The following KIFAP3 variants were observed in gnomAD, a reference collection of about 807,000 sequenced individuals.
The protein encoded by KIFAP3 is kinesin-associated protein 3.
KIFAP3 carries 68 observed loss-of-function variants against 106.5 expected under a neutral mutation model. That is an observed-to-expected ratio of 0.64 (90% CI 0.53 to 0.78). KIFAP3 has a LOEUF of 0.78. KIFAP3 is among the 30% of genes least tolerant of loss of function. KIFAP3 has a pLI of 0.00. For missense variants in KIFAP3, 780 were observed against 941.8 expected, an observed-to-expected ratio of 0.83 and a Z score of 2.25; for synonymous variants, 320 against 311.5, an observed-to-expected ratio of 1.03 and a Z score of -0.29.
At chr1:170,079,003 A>T (rs1557885674), upstream of KIFAP3, among the ~76,000 whole-genome samples, 1 of 152,190 alleles carries the variant, frequency 6.6e-6, no homozygotes, top group Non-Finnish European at 1.5e-5. Flanking sequence ...AAAATCCAAT[A>T]ATTAATTTGC....
chr1:170,033,754 GAAAT>G (rs1259252544), intron 7 of KIFAP3, among the ~76,000 whole-genome samples: 5 of 151,732 alleles, frequency 3.3e-5, no homozygotes, highest in Admixed American at 6.6e-5. Flanking sequence ...CAGAATGGGT[GAAAT>G]AAATAAACAC....
intron 19 of KIFAP3, among the ~76,000 whole-genome samples, chr1:169,930,981 G>A (rs1274929163): frequency 7.1e-6 from 1 of 141,612 alleles, no homozygotes; most frequent in Non-Finnish European, 1.5e-5. Context: ...GCGCAATGGT[G>A]CAATCCTGGC....
intron 2 of KIFAP3, among the ~76,000 whole-genome samples, chr1:170,054,552 A>T (rs1670743222): frequency 6.6e-6 from 1 of 152,200 alleles, no homozygotes; most frequent in African/African-American, 2.4e-5. Context: ...AAGACTTGGA[A>T]CCAACCCAAA....
chr1:169,995,513 G>A (rs16862900), intron 10 of KIFAP3, among the ~76,000 whole-genome samples: 5 of 151,884 alleles, frequency 3.3e-5, no homozygotes, highest in Non-Finnish European at 1.5e-5. Context: ...TCTAGTAATG[G>A]ATTCACTGAA....
chr1:170,003,625 C>A (rs940273204), intron 10 of KIFAP3, among the ~76,000 whole-genome samples: 1 of 152,172 alleles, frequency 6.6e-6, no homozygotes, highest in Admixed American at 6.5e-5. Context: ...GCCCTGCCCC[C>A]AGAGGTGGAG....
upstream of KIFAP3, chr1:170,074,723 T>G (rs1671861256): frequency 7.3e-7 from 1 of 1,371,858 alleles, no homozygotes; most frequent in Non-Finnish European, 9.4e-7. Context: ...CGCATGCGCT[T>G]GCTCTGCACC....
chr1:169,966,230 A>G (rs2101876195), intron 17 of KIFAP3, among the ~76,000 whole-genome samples: 1 of 151,946 alleles, frequency 6.6e-6, no homozygotes, highest in East Asian at 1.9e-4. Flanking sequence ...TCTCAGCTCT[A>G]AAAAAGAAGC....
chr1:169,991,357 A>C lies in KIFAP3; in HGVS notation c.1284+798T>G, dbSNP rs1350170362. ...CAAGATCCTGTCTCAAAAAAAAAAA[A>C]GGAAGGAAGGAAGGAAAGACTGGCA... is the stretch of plus-strand genomic sequence containing the variant. On this transcript the variant is annotated intron_variant, in intron 11 of 19. Coordinates refer to ENST00000361580, the MANE Select transcript of KIFAP3 (RefSeq NM_014970.4). Among the ~76,000 whole-genome samples the C allele has an allele frequency of 2.2e-4, 31 of 139,558 alleles. 1 individual carries two copies. The Admixed American group carries it at 2.2e-3, about 10-fold the overall frequency. The allele number at this position is 139,558 out of a possible 152,430, so 91.6% of individuals were successfully genotyped here.
intron 8 of KIFAP3, among the ~76,000 whole-genome samples, chr1:170,029,240 T>A (rs1012531943): frequency 2.6e-5 from 4 of 152,106 alleles, no homozygotes; most frequent in African/African-American, 9.7e-5. Flanking sequence ...AAAATACATG[T>A]ACTGAAAACT....
At chr1:169,933,877 T>C (rs1288446134) in intron 19 of KIFAP3, among the ~76,000 whole-genome samples, 2 of 152,130 alleles carry the variant, frequency 1.3e-5, no homozygotes, top group Non-Finnish European at 2.9e-5. Context: ...AATATCTGAA[T>C]GGGATTTGTG....
chr1:170,046,210 CAAAAAAA>C (rs60580320), intron 3 of KIFAP3, among the ~76,000 whole-genome samples: 1 of 56,928 alleles, frequency 1.8e-5, no homozygotes, highest in Admixed American at 2.7e-4. Context: ...TTCTCTGCTG[CAAAAAAA>C]AAAAAAAAAA....
At chr1:170,061,930 G>A (rs186640794) in intron 1 of KIFAP3, among the ~76,000 whole-genome samples, 40 of 152,120 alleles carry the variant, frequency 2.6e-4, no homozygotes, top group Admixed American at 1.9e-3. Flanking sequence ...GCCAAATACC[G>A]CATGTTCTCA....
chr1:170,038,440 A>C lies in KIFAP3; in HGVS notation c.376-9T>G, dbSNP rs769040768. The C allele has an allele frequency of 6.2e-7, 1 of 1,603,398 alleles. No individual in the cohort carries two copies. Among genetic ancestry groups the C allele is most frequent in the Non-Finnish European group, 8.5e-7 (1 of 1,177,062 alleles). On this transcript the variant is annotated splice_polypyrimidine_tract_variant and intron_variant, in intron 4 of 19. Coordinates refer to ENST00000361580, the MANE Select transcript of KIFAP3 (RefSeq NM_014970.4). ...TTAGCAACTTCATCAATCTGAAACAAAGAGGCAGAAAGTACTCATCAACAA... is the reference window on the plus strand; with the variant it reads ...TTAGCAACTTCATCAATCTGAAACACAGAGGCAGAAAGTACTCATCAACAA...
chr1:170,044,141 T>G (rs959868439), intron 3 of KIFAP3, among the ~76,000 whole-genome samples: 1 of 152,134 alleles, frequency 6.6e-6, no homozygotes, highest in South Asian at 2.1e-4. Context: ...TAAGGGTGGA[T>G]AGGATTATCA....
chr1:169,988,389 T>C (rs1558223031), intron 11 of KIFAP3, among the ~76,000 whole-genome samples: 1 of 151,990 alleles, frequency 6.6e-6, no homozygotes, highest in East Asian at 1.9e-4. Context: ...ATCATTGAAA[T>C]GAATATGAAT....
At chr1:169,929,432 TCTAAAATTTTTCA>T (rs1446036025) in intron 19 of KIFAP3, among the ~76,000 whole-genome samples, 2 of 152,148 alleles carry the variant, frequency 1.3e-5, no homozygotes, top group East Asian at 3.8e-4. Context: ...TAACATAGCT[TCTAAAATTTTTCA>T]TTGAACCAAT....
At chr1:170,039,110 TC>T in intron 4 of KIFAP3, 122 bp downstream of exon 4, 5 of 503,386 alleles carry the variant, frequency 9.9e-6, no homozygotes, top group Non-Finnish European at 1.8e-5. Context: ...TTCAGGTACC[TC>T]TGAGTTCAGT....
intron 7 of KIFAP3, among the ~76,000 whole-genome samples, chr1:170,034,022 G>A (rs1355378802): frequency 6.6e-6 from 1 of 151,770 alleles, no homozygotes; most frequent in Non-Finnish European, 1.5e-5. Context: ...TCACACAGAA[G>A]TATATAAGCA....
At chr1:170,066,634 C>A (rs375906556) in intron 1 of KIFAP3, among the ~76,000 whole-genome samples, 1 of 152,098 alleles carries the variant, frequency 6.6e-6, no homozygotes, top group African/African-American at 2.4e-5. Context: ...AAAGAGAGGG[C>A]TGAGAGGTTG....
Sources: allele counts gnomAD v4.1 joint callset (sites outside exome capture counted in the v4.1 genomes callset), GRCh38; gene constraint gnomAD v4.1.1; transcripts MANE v1.5; gene names NCBI Gene and HGNC (gene_info 2026-07-23, HGNC 2026-07-21).